The following ACBD6 variants were observed in gnomAD, a reference collection of about 807,000 sequenced individuals.
ACBD6 encodes the protein acyl-CoA binding domain containing 6.
ACBD6 carries 28 observed loss-of-function variants against 37.2 expected under a neutral mutation model. The observed-to-expected ratio is 0.75, with a 90% CI of 0.56 to 1.03. The LOEUF is 1.03. Ranked by LOEUF, ACBD6 falls within the 50% of genes least tolerant of loss-of-function variation. The probability of loss-of-function intolerance (pLI) is 0.00; values close to 1 mark genes in which losing one functional copy is unlikely to be tolerated. For synonymous variants in ACBD6, 113 were observed against 126.8 expected, an observed-to-expected ratio of 0.89 and a Z score of 0.73; for missense variants, 340 against 337.4, an observed-to-expected ratio of 1.01 and a Z score of -0.06.
Position 180,502,404 on chromosome 1 carries a change from T to C in ACBD6, c.-138A>G. On this transcript the variant is annotated 5_prime_UTR_variant, in exon 1 of 8. Coordinates refer to ENST00000367595, the MANE Select transcript of ACBD6 (RefSeq NM_032360.4). ...GGACCCAAGCTCAGTCGCGGCGCGC[T>C]CCCTCACGTGACCCTGCTCCCTGCC... The C allele has an allele frequency of 2.2e-6, 2 of 927,474 alleles. No homozygotes were observed. The highest frequency in any genetic ancestry group is 5.2e-5 in the East Asian group (2 of 38,180). The allele number at this position is 927,474 out of a possible 1,614,324, so 57.5% of individuals were successfully genotyped here.
At chr1:180,368,870 G>C (rs544944670) in intron 6 of ACBD6, among the ~76,000 whole-genome samples, 1 of 152,200 alleles carries the variant, frequency 6.6e-6, no homozygotes, top group East Asian at 1.9e-4. Flanking sequence ...TTATTATGCT[G>C]TATCACAGGT....
chr1:180,398,680 T>G (rs1654356109), intron 5 of ACBD6, among the ~76,000 whole-genome samples: 1 of 152,194 alleles, frequency 6.6e-6, no homozygotes, highest in African/African-American at 2.4e-5. Context: ...CCAGAAAATC[T>G]TGTTTTAGTT....
chr1:180,397,290 G>A (rs1011744538), intron 6 of ACBD6, among the ~76,000 whole-genome samples: 2 of 152,080 alleles, frequency 1.3e-5, no homozygotes, highest in African/African-American at 4.8e-5. Context: ...GGGGCAAGGG[G>A]AGAAATAAAA....
At chr1:180,487,976 A>T (rs1383178216) in intron 3 of ACBD6, among the ~76,000 whole-genome samples, 1 of 152,142 alleles carries the variant, frequency 6.6e-6, no homozygotes. Flanking sequence ...GTATCCCCTG[A>T]TAAGGAGGGA....
intron 2 of ACBD6, among the ~76,000 whole-genome samples, chr1:180,493,677 T>C (rs1173509994): frequency 6.6e-6 from 1 of 152,234 alleles, no homozygotes; most frequent in South Asian, 2.1e-4. Flanking sequence ...ATTACTATTA[T>C]ACAATATAGA....
intron 3 of ACBD6, among the ~76,000 whole-genome samples, chr1:180,448,535 T>G (rs945143512): frequency 1.3e-5 from 2 of 152,174 alleles, no homozygotes; most frequent in African/African-American, 4.8e-5. Flanking sequence ...GTTGTCCTAC[T>G]TGATTTTGAT....
chr1:180,353,559 T>C (rs1224332932), intron 6 of ACBD6, among the ~76,000 whole-genome samples: 3 of 152,110 alleles, frequency 2.0e-5, no homozygotes, highest in African/African-American at 7.2e-5. Context: ...CAGAATTATG[T>C]ATGCTCAGAC....
At chr1:180,470,794 C>A (rs932197811) in intron 3 of ACBD6, among the ~76,000 whole-genome samples, 18 of 152,286 alleles carry the variant, frequency 1.2e-4, no homozygotes, top group African/African-American at 4.1e-4. Context: ...TAAGAGGTCA[C>A]TTTGTTTGTG....
At chr1:180,372,993 A>G (rs971329546) in intron 6 of ACBD6, among the ~76,000 whole-genome samples, 3 of 152,172 alleles carry the variant, frequency 2.0e-5, no homozygotes, top group African/African-American at 7.2e-5. Context: ...ATGAATTTCA[A>G]TCCGATAGAC....
At chr1:180,465,319 G>A (rs1330481078) in intron 3 of ACBD6, among the ~76,000 whole-genome samples, 1 of 151,920 alleles carries the variant, frequency 6.6e-6, no homozygotes, top group Non-Finnish European at 1.5e-5. Context: ...AGATCAACAA[G>A]CGAAAAACCA....
At chr1:180,391,984 T>C (rs1279000612) in intron 6 of ACBD6, among the ~76,000 whole-genome samples, 2 of 152,090 alleles carry the variant, frequency 1.3e-5, no homozygotes, top group Non-Finnish European at 2.9e-5. Context: ...AAGGGAACAA[T>C]TGATACATGT....
At chr1:180,386,683 C>T (rs1000102946) in intron 6 of ACBD6, among the ~76,000 whole-genome samples, 1 of 152,034 alleles carries the variant, frequency 6.6e-6, no homozygotes, top group Non-Finnish European at 1.5e-5. Flanking sequence ...ATCTTTTTAT[C>T]ATTTCCATCT....
intron 4 of ACBD6, among the ~76,000 whole-genome samples, chr1:180,427,732 G>A (rs1648643965): frequency 6.6e-6 from 1 of 152,024 alleles, no homozygotes; most frequent in African/African-American, 2.4e-5. Context: ...GACCATCCTG[G>A]CTAATATGGT....
At position 180,459,655 on chromosome 1, in the gene ACBD6, G is replaced by T. The variant is rs185648749; in HGVS notation, c.385-29393C>A. The stretch of plus-strand genomic sequence containing the variant: ...TTTGGTAGTCTCTGGCAATCTATGT[G>T]AAATGTCAAGTTTCTCAAATTCCAT... On this transcript the variant is annotated intron_variant, in intron 3 of 7. Transcript: ENST00000367595. 2.0e-5 allele frequency among the ~76,000 whole-genome samples: 3 copies of T among 152,310 alleles called. No individual in the cohort carries two copies. The East Asian group carries it at 5.8e-4, about 29-fold the overall frequency.
At position 180,274,125 on chromosome 1, in the gene ACBD6, G is replaced by T. The variant is rs868452153; in HGVS notation, c.*937-13C>A. On this transcript the variant is annotated splice_polypyrimidine_tract_variant and intron_variant, in intron 10 of 13. Coordinates refer to the ACBD6 transcript ENST00000642319. ...GTCATGTGTGTTCCTAGGTTGTGAAGAGCAGGGGACCATCAGAGTCCTGGC... is the reference window on the plus strand; with the variant it reads ...GTCATGTGTGTTCCTAGGTTGTGAATAGCAGGGGACCATCAGAGTCCTGGC... 66 of 1,602,466 alleles carry T rather than the reference G, an allele frequency of 4.1e-5. No individual in the cohort carries two copies. The African/African-American group carries it at 7.5e-4, about 18-fold the overall frequency.
At chr1:180,459,048 A>T (rs1353009592) in intron 3 of ACBD6, among the ~76,000 whole-genome samples, 3 of 152,184 alleles carry the variant, frequency 2.0e-5, no homozygotes, top group African/African-American at 7.2e-5. Flanking sequence ...TATTTTTTCA[A>T]GATCTCAGTA....
At chr1:180,431,278 AAAATGTTGT>A (rs1248897256) in intron 3 of ACBD6, among the ~76,000 whole-genome samples, 2 of 152,172 alleles carry the variant, frequency 1.3e-5, no homozygotes, top group Non-Finnish European at 2.9e-5. Flanking sequence ...AAGGTTTCAA[AAAATGTTGT>A]AAATTTTTGA....
At chr1:180,468,580 G>A (rs1650442042) in intron 3 of ACBD6, among the ~76,000 whole-genome samples, 1 of 152,134 alleles carries the variant, frequency 6.6e-6, no homozygotes. Flanking sequence ...TATTAGTGAG[G>A]TTGAACATCT....
intron 6 of ACBD6, among the ~76,000 whole-genome samples, chr1:180,393,459 GAGTT>G (rs1654149802): frequency 6.6e-6 from 1 of 152,156 alleles, no homozygotes; most frequent in African/African-American, 2.4e-5. Context: ...TGTCTGTGCT[GAGTT>G]AGTACCAAGA....
Sources: gnomAD v4.1 joint callset for allele counts (sites outside exome capture counted in the v4.1 genomes callset) on GRCh38, gnomAD v4.1.1 for gene constraint, MANE v1.5 for transcripts, NCBI Gene and HGNC (gene_info 2026-07-23, HGNC 2026-07-21) for gene names.